Variants in NOL4 observed in about 807,000 individuals in gnomAD.
NOL4 encodes the protein cancer/testis antigen 125.
In NOL4, 17 loss-of-function variants were observed where a neutral mutation model predicts 75.9. That is an observed-to-expected ratio of 0.22 (90% CI 0.15 to 0.34). The LOEUF is 0.34. NOL4 is among the 10% of genes least tolerant of loss of function. The pLI is 1.00. For missense variants in NOL4, 614 were observed against 793.5 expected, an observed-to-expected ratio of 0.77 and a Z score of 2.72; for synonymous variants, 292 against 289.9, an observed-to-expected ratio of 1.01 and a Z score of -0.07.
intron 2 of NOL4, among the ~76,000 whole-genome samples, chr18:34,115,076 G>C (rs1310510036): frequency 6.6e-6 from 1 of 152,144 alleles, no homozygotes; most frequent in African/African-American, 2.4e-5. Context: ...CTCTAACAAA[G>C]AGCAGCCTGG....
chr18:34,168,610 AAAG>A lies in NOL4; in HGVS notation c.265-38593_265-38591del, dbSNP rs369874445. On this transcript the variant is annotated intron_variant, in intron 1 of 10. Transcript: ENST00000261592. ...TAATATATATTTTAAAAGAAATGTA[AAAG>A]AAGAAGAAGAAGGCTATTGTCCATG... Among the ~76,000 whole-genome samples the A allele has an allele frequency of 1.5e-4, 23 of 151,464 alleles. No individual in the cohort carries two copies. In the East Asian group the frequency reaches 2.3e-3, roughly 15 times the overall value.
intron 5 of NOL4, among the ~76,000 whole-genome samples, chr18:34,080,891 A>G (rs1003980955): frequency 1.3e-5 from 2 of 152,230 alleles, no homozygotes; most frequent in Non-Finnish European, 2.9e-5. Context: ...ACTACATGAT[A>G]GTCATTATTG....
chr18:34,210,360 T>C (rs187402281), intron 1 of NOL4, among the ~76,000 whole-genome samples: 117 of 152,360 alleles, frequency 7.7e-4, no homozygotes, highest in African/African-American at 2.8e-3. Context: ...TAGGTCTTTT[T>C]AGTAACTCAC....
intron 6 of NOL4, among the ~76,000 whole-genome samples, chr18:34,016,604 T>A (rs915086811): frequency 4.6e-5 from 7 of 152,072 alleles, no homozygotes; most frequent in Non-Finnish European, 7.4e-5. Flanking sequence ...CCATACATAA[T>A]CAGAATAACT....
intron 1 of NOL4, among the ~76,000 whole-genome samples, chr18:34,212,953 A>G (rs2036610082): frequency 6.6e-6 from 1 of 152,180 alleles, no homozygotes; most frequent in Non-Finnish European, 1.5e-5. Context: ...TCCCCATGAA[A>G]GGCCCCCCTT....
At chr18:34,196,725 T>C (rs2035355496) in intron 1 of NOL4, among the ~76,000 whole-genome samples, 1 of 152,076 alleles carries the variant, frequency 6.6e-6, no homozygotes, top group South Asian at 2.1e-4. Context: ...GTTTAACTTA[T>C]TTTCCATTAA....
chr18:34,205,105 C>T (rs2036029490), intron 1 of NOL4, among the ~76,000 whole-genome samples: 1 of 152,032 alleles, frequency 6.6e-6, no homozygotes, highest in Non-Finnish European at 1.5e-5. Flanking sequence ...ATGTTTAAGT[C>T]CTGGATTTTA....
Position 33,978,273 on chromosome 18 carries a change from C to T in NOL4, c.1057-19855G>A, listed in dbSNP as rs186129256. On this transcript the variant is annotated intron_variant, in intron 6 of 10. Coordinates refer to ENST00000261592, the MANE Select transcript of NOL4 (RefSeq NM_003787.5). ...TATGCATATATCAAAGTGACTGATA[C>T]CAGTATATACCAGTACAGACAAAGA... 2.6e-3 allele frequency among the ~76,000 whole-genome samples: 401 copies of T among 152,130 alleles called. 1 individual carries two copies. Among genetic ancestry groups the T allele is most frequent in the Non-Finnish European group, 4.6e-3 (312 of 68,000 alleles).
intron 9 of NOL4, among the ~76,000 whole-genome samples, chr18:33,912,119 A>T (rs1399420195): frequency 6.6e-6 from 1 of 152,098 alleles, no homozygotes; most frequent in African/African-American, 2.4e-5. Context: ...TCCAGAGTCG[A>T]CAGAGACTGA....
chr18:34,055,026 TAAC>T (rs1413465985), intron 5 of NOL4, among the ~76,000 whole-genome samples: 1 of 150,520 alleles, frequency 6.6e-6, no homozygotes, highest in African/African-American at 2.4e-5. Flanking sequence ...TTTAAACTAC[TAAC>T]AACTTACTCT....
At chr18:34,029,935 A>G (rs2075552388) in intron 5 of NOL4, among the ~76,000 whole-genome samples, 1 of 152,242 alleles carries the variant, frequency 6.6e-6, no homozygotes, top group Non-Finnish European at 1.5e-5. Flanking sequence ...AAAATAAAGT[A>G]GTAAATTAAA....
chr18:33,938,653 T>A (rs963277912), intron 9 of NOL4, among the ~76,000 whole-genome samples: 1 of 152,170 alleles, frequency 6.6e-6, no homozygotes, highest in Non-Finnish European at 1.5e-5. Flanking sequence ...TTTGTTTAAG[T>A]TCCTTGTAGA....
chr18:33,923,879 T>C (rs1268198006), intron 9 of NOL4, among the ~76,000 whole-genome samples: 1 of 152,196 alleles, frequency 6.6e-6, no homozygotes, highest in Non-Finnish European at 1.5e-5. Flanking sequence ...TTAAAATATC[T>C]TCTCCCCCTG....
At chr18:34,027,720 T>A (rs2075416289) in intron 5 of NOL4, among the ~76,000 whole-genome samples, 1 of 152,208 alleles carries the variant, frequency 6.6e-6, no homozygotes, top group Admixed American at 6.5e-5. Flanking sequence ...ACTTTAACAG[T>A]TCTTTGTGTA....
intron 5 of NOL4, among the ~76,000 whole-genome samples, chr18:34,089,717 T>C (rs769554651): frequency 6.6e-6 from 1 of 152,204 alleles, no homozygotes; most frequent in Admixed American, 6.5e-5. Flanking sequence ...ATTTGCAACA[T>C]CTGAAGATAT....
intron 9 of NOL4, among the ~76,000 whole-genome samples, chr18:33,941,063 A>G (rs2068447489): frequency 6.6e-6 from 1 of 151,998 alleles, no homozygotes; most frequent in African/African-American, 2.4e-5. Context: ...CCAGTGTGAG[A>G]TTTGAGATAT....
intron 1 of NOL4, among the ~76,000 whole-genome samples, chr18:34,144,774 T>G (rs1435757734): frequency 6.6e-6 from 1 of 152,194 alleles, no homozygotes; most frequent in African/African-American, 2.4e-5. Flanking sequence ...GACACTATGC[T>G]TAGAGATACT....
At chr18:33,870,594 C>A (rs182350978) in intron 10 of NOL4, among the ~76,000 whole-genome samples, 1 of 151,434 alleles carries the variant, frequency 6.6e-6, no homozygotes, top group African/African-American at 2.4e-5. Flanking sequence ...TATAAATGTA[C>A]GAAAGATATG....
chr18:33,926,358 C>CAAAAA (rs67803985), intron 9 of NOL4, among the ~76,000 whole-genome samples: 1 of 46,546 alleles, frequency 2.1e-5, no homozygotes, highest in African/African-American at 8.8e-5. Flanking sequence ...GACTCCATCT[C>CAAAAA]AAAAAAAAAA....
Sources: gnomAD v4.1 joint callset for allele counts (sites outside exome capture counted in the v4.1 genomes callset) on GRCh38, gnomAD v4.1.1 for gene constraint, MANE v1.5 for transcripts, NCBI Gene and HGNC (gene_info 2026-07-23, HGNC 2026-07-21) for gene names.